The following CPVL variants were observed in gnomAD, a reference collection of about 807,000 sequenced individuals.
CPVL encodes carboxypeptidase vitellogenic like.
In CPVL, 51 loss-of-function variants were observed where a neutral mutation model predicts 63.7. The observed-to-expected ratio is 0.80, with a 90% CI of 0.64 to 1.01. The LOEUF is 1.01. CPVL is among the 50% of genes least tolerant of loss of function. The pLI, the probability that CPVL is intolerant of heterozygous loss-of-function variation, is 0.00. For synonymous variants in CPVL, 195 were observed against 206.0 expected (o/e 0.95, Z 0.46); for missense variants, 530 against 573.1 (o/e 0.92, Z 0.77).
chr7:29,005,642 C>T lies in CPVL; in HGVS notation c.1321-9760G>A, dbSNP rs115177903. Among the ~76,000 whole-genome samples the T allele has an allele frequency of 9.7e-3, 1,472 of 152,276 alleles. 29 individuals carry two copies. The highest frequency in any genetic ancestry group is 0.034 in the African/African-American group (1,406 of 41,552). On this transcript the variant is annotated intron_variant, in intron 12 of 12. Coordinates refer to ENST00000265394, the MANE Select transcript of CPVL (RefSeq NM_031311.5). ...TTCACCACATGCAATGCCAAACACC[C>T]TCTTCTTCCTACACAGAAATGCCAG...
chr7:29,038,956 G>A (rs1788804527), intron 11 of CPVL, among the ~76,000 whole-genome samples: 1 of 152,156 alleles, frequency 6.6e-6, no homozygotes, highest in South Asian at 2.1e-4. Context: ...CAACAGACAC[G>A]TTTATGGAGA....
chr7:29,180,551 A>C (rs1411093184), intron 5 of CPVL, among the ~76,000 whole-genome samples: 2 of 152,204 alleles, frequency 1.3e-5, no homozygotes, highest in African/African-American at 4.8e-5. Context: ...CTCAAAAAAA[A>C]AAAAGTCATC....
At chr7:29,093,410 T>C (rs1786049767) in intron 5 of CPVL, among the ~76,000 whole-genome samples, 1 of 150,920 alleles carries the variant, frequency 6.6e-6, no homozygotes, top group Non-Finnish European at 1.5e-5. Flanking sequence ...AAAGAAACTC[T>C]TTAGGCTGAA....
chr7:29,178,065 A>G (rs563181085), intron 5 of CPVL, among the ~76,000 whole-genome samples: 1 of 152,238 alleles, frequency 6.6e-6, no homozygotes, highest in East Asian at 1.9e-4. Context: ...ACATTCCATC[A>G]TCAGCAAGTG....
chr7:29,055,750 T>C (rs910915537), intron 11 of CPVL, among the ~76,000 whole-genome samples: 2 of 152,234 alleles, frequency 1.3e-5, no homozygotes, highest in African/African-American at 2.4e-5. Context: ...CCCTGCCTTA[T>C]TGCTCTTGCT....
chr7:29,085,594 C>T (rs1272204251), intron 7 of CPVL, among the ~76,000 whole-genome samples: 1 of 152,170 alleles, frequency 6.6e-6, no homozygotes, highest in African/African-American at 2.4e-5. Flanking sequence ...TACTGGATGG[C>T]ATTTTTTGAG....
At chr7:29,118,276 A>C (rs1788984263) in intron 2 of CPVL, among the ~76,000 whole-genome samples, 1 of 152,220 alleles carries the variant, frequency 6.6e-6, no homozygotes, top group African/African-American at 2.4e-5. Context: ...GGTTATAACA[A>C]TTACTTAACT....
At chr7:29,089,543 G>C (rs1396693975) in intron 6 of CPVL, among the ~76,000 whole-genome samples, 2 of 152,120 alleles carry the variant, frequency 1.3e-5, no homozygotes, top group Non-Finnish European at 2.9e-5. Flanking sequence ...ACAGGGCCTG[G>C]GCGGAAGCAG....
intron 7 of CPVL, among the ~76,000 whole-genome samples, chr7:29,083,969 A>G (rs1784979720): frequency 1.3e-5 from 2 of 151,978 alleles, no homozygotes; most frequent in Admixed American, 1.3e-4. Flanking sequence ...ATCAGAGATA[A>G]TATTTCTCTA....
intron 12 of CPVL, 141 bp downstream of exon 12, chr7:29,030,436 G>A: frequency 1.3e-6 from 1 of 776,908 alleles, no homozygotes; most frequent in Non-Finnish European, 2.1e-6. Context: ...TCTTCTCTGT[G>A]GAAAGTAGGG....
At chr7:29,132,118 G>A (rs1790761488) in intron 1 of CPVL, among the ~76,000 whole-genome samples, 1 of 152,164 alleles carries the variant, frequency 6.6e-6, no homozygotes, top group South Asian at 2.1e-4. Context: ...AGGTGGTCAG[G>A]GAAGGCCCCC....
chr7:29,081,130 C>T (rs1013896709), intron 7 of CPVL, among the ~76,000 whole-genome samples: 4 of 152,234 alleles, frequency 2.6e-5, no homozygotes, highest in East Asian at 3.9e-4. Flanking sequence ...GCTTTAACTT[C>T]TACCTGGGCT....
At chr7:29,048,440 C>A (rs1481617974) in intron 11 of CPVL, among the ~76,000 whole-genome samples, 1 of 152,106 alleles carries the variant, frequency 6.6e-6, no homozygotes, top group Non-Finnish European at 1.5e-5. Flanking sequence ...AAACTTAAAG[C>A]AACTGCAGTT....
chr7:29,097,560 A>G (rs62444062), intron 3 of CPVL, among the ~76,000 whole-genome samples: 61,168 of 151,872 alleles, frequency 0.4, 14,272 homozygotes, highest in African/African-American at 0.64. Context: ...GCTGGGCGTG[A>G]TGGCGGGTAC....
chr7:29,003,167 C>A (rs1784832625), intron 12 of CPVL, among the ~76,000 whole-genome samples: 3 of 79,432 alleles, frequency 3.8e-5, no homozygotes, highest in South Asian at 3.3e-4. Flanking sequence ...CACACACACA[C>A]ACACACACAC....
chr7:29,121,030 G>A lies in CPVL; in HGVS notation c.32C>T (p.Ser11Leu), dbSNP rs36074676. MVGAMWKVIV[S>L]LVLLMPGPCD... ...GGGGCCAGGCATCAACAGGACCAGC[G>A]AAACAATCACCTTCCACATGGCACC... The change falls in exon 2 of 13, where the codon TCG becomes TTG. Residue 11 changes from serine to leucine, a missense_variant. By Grantham distance (145) the Ser-to-Leu change is moderately radical. Transcript: ENST00000265394. The A allele has an allele frequency of 0.014, 23,119 of 1,608,110 alleles. 229 individuals are homozygous for A. The highest frequency in any genetic ancestry group is 0.038 in the Middle Eastern group (232 of 6,044).
At chr7:29,054,223 A>G (rs771557789) in intron 11 of CPVL, among the ~76,000 whole-genome samples, 7 of 152,216 alleles carry the variant, frequency 4.6e-5, no homozygotes, top group Non-Finnish European at 1.0e-4. Flanking sequence ...ATCAATTTCT[A>G]TAGTTAGTAT....
chr7:29,192,584 A>C (rs1783030046), intron 1 of CPVL: 1 of 152,240 alleles, frequency 6.6e-6, no homozygotes, highest in African/African-American at 2.4e-5. Context: ...AAAATTTTTC[A>C]AACTATACAT....
chr7:29,064,117 C>T lies in CPVL; in HGVS notation c.1081G>A (p.Glu361Lys). 6.2e-7 allele frequency: 1 copy of T among 1,613,240 alleles called. No individual in the cohort carries two copies. The highest frequency in any genetic ancestry group is 8.5e-7 in the Non-Finnish European group (1 of 1,179,314). ...DGTIVEKYLR[E>K]DTVQSVKPWL... ...GGCTTAACTGACTGTACTGTATCTT[C>T]TCGCAAGTACTTTTCAACTATAGTT... Residue 361 changes from glutamate (E) to lysine (K), a missense_variant, in exon 11 of 13, where the codon GAA (glutamate) becomes AAA (lysine). Coordinates refer to ENST00000265394, the MANE Select transcript of CPVL (RefSeq NM_031311.5).
Sources: gnomAD v4.1 joint callset for allele counts (sites outside exome capture counted in the v4.1 genomes callset) on GRCh38, gnomAD v4.1.1 for gene constraint, MANE v1.5 for transcripts, NCBI Gene and HGNC (gene_info 2026-07-23, HGNC 2026-07-21) for gene names.